ZDHHC15: variants seen among roughly 807,000 people sequenced by gnomAD.
The protein encoded by ZDHHC15 is zDHHC palmitoyltransferase 15.
Under a neutral mutation model 31.7 loss-of-function variants are expected in ZDHHC15, and 19 were observed. The observed-to-expected ratio is 0.60, with a 90% CI of 0.42 to 0.88. The LOEUF (loss-of-function observed/expected upper bound fraction) is 0.88. Ranked by LOEUF, ZDHHC15 falls within the 40% of genes least tolerant of loss-of-function variation. The pLI, the probability that ZDHHC15 is intolerant of heterozygous loss-of-function variation, is 0.00. For missense variants in ZDHHC15, 209 were observed against 251.2 expected (o/e 0.83, Z 1.14); for synonymous variants, 103 against 90.0 (o/e 1.14, Z -0.82).
chrX:75,511,571 CTTTAG>C (rs1413808894), intron 1 of ZDHHC15, among the ~76,000 whole-genome samples: 2 of 93,361 alleles, frequency 2.1e-5, no homozygotes, highest in Admixed American at 2.5e-4. Context: ...TGCAGAAGCT[CTTTAG>C]TTTAATTAGA....
intron 2 of ZDHHC15, chrX:75,502,064 T>G (rs764000092): frequency 4.3e-4 from 48 of 112,214 alleles, no homozygotes; most frequent in African/African-American, 1.4e-3. Context: ...TTGCTAGGGC[T>G]GCCATAATAA....
At chrX:75,441,492 C>T (rs2083939326) in intron 4 of ZDHHC15, among the ~76,000 whole-genome samples, 1 of 111,788 alleles carries the variant, frequency 8.9e-6, no homozygotes, top group Non-Finnish European at 1.9e-5. Context: ...CAGAAGTGGA[C>T]TTTCCCCCTC....
At chrX:75,522,772 G>C in intron 1 of ZDHHC15, 117 bp downstream of exon 1, 1 of 1,005,545 alleles carries the variant, frequency 9.9e-7, no homozygotes, top group Non-Finnish European at 1.4e-6. Flanking sequence ...TCTCCAGGGA[G>C]AGAAAGGAAA....
Position 75,369,972 on chromosome X carries a change from A to C in ZDHHC15, c.*3006T>G, listed in dbSNP as rs2147737856. On this transcript the variant is annotated 3_prime_UTR_variant, in exon 12 of 12. Coordinates refer to ENST00000373367, the MANE Select transcript of ZDHHC15 (RefSeq NM_144969.3). ...TTTTTCCAGCTGTACCATGGGGAAC[A>C]ATTTTTTTATTCTGTCTCTTTCTGA... 9.0e-6 allele frequency: 1 copy of C among 111,658 alleles called. No homozygotes were observed. The highest frequency in any genetic ancestry group is 3.3e-5 in the African/African-American group (1 of 30,685). 9.2% of individuals were successfully genotyped at this position (111,658 alleles called of 1,213,427 possible). A position where few individuals can be genotyped will look rare whatever the true frequency, so the allele number is the denominator to read the frequency against.
intron 2 of ZDHHC15, among the ~76,000 whole-genome samples, chrX:75,487,425 A>C (rs191686285): frequency 2.2e-3 from 246 of 111,866 alleles, no homozygotes; most frequent in Non-Finnish European, 3.7e-3. Context: ...ACTCAGAAGA[A>C]CAATAAGAAT....
intron 1 of ZDHHC15, among the ~76,000 whole-genome samples, chrX:75,521,998 A>G (rs1333600892): frequency 9.0e-6 from 1 of 111,351 alleles, no homozygotes; most frequent in Non-Finnish European, 1.9e-5. Flanking sequence ...GGGAGAAGGC[A>G]CTATCATCAT....
intron 4 of ZDHHC15, among the ~76,000 whole-genome samples, chrX:75,435,566 G>C (rs905426526): frequency 1.8e-5 from 2 of 111,899 alleles, no homozygotes; most frequent in Admixed American, 1.9e-4. Context: ...GCTGGATTTT[G>C]TCAAATGTTT....
At chrX:75,510,357 A>C (rs760446755) in intron 1 of ZDHHC15, among the ~76,000 whole-genome samples, 1 of 110,190 alleles carries the variant, frequency 9.1e-6, no homozygotes, top group East Asian at 2.9e-4. Context: ...GATACATTTA[A>C]CTGTTTGTCA....
intron 4 of ZDHHC15, among the ~76,000 whole-genome samples, chrX:75,450,415 T>C (rs2084099371): frequency 8.9e-6 from 1 of 111,774 alleles, no homozygotes; most frequent in African/African-American, 3.2e-5. Flanking sequence ...TGCATGTTTT[T>C]GTATGTAAAT....
chrX:75,509,532 C>A (rs1179630264), intron 1 of ZDHHC15, among the ~76,000 whole-genome samples: 2 of 111,817 alleles, frequency 1.8e-5, no homozygotes, highest in Non-Finnish European at 3.8e-5. Flanking sequence ...CACTCACTTA[C>A]AACATGAAGT....
chrX:75,444,424 C>A (rs184059512), intron 4 of ZDHHC15, among the ~76,000 whole-genome samples: 1,673 of 88,238 alleles, frequency 0.019, 49 homozygotes, highest in African/African-American at 0.074. Flanking sequence ...ATAGTGAGAA[C>A]ACTTGGACAC....
chrX:75,402,365 T>A (rs906016229), intron 10 of ZDHHC15, among the ~76,000 whole-genome samples: 7 of 110,416 alleles, frequency 6.3e-5, no homozygotes, highest in Non-Finnish European at 1.3e-4. Flanking sequence ...CCCCAAATGC[T>A]AGCAGAAAAT....
intron 3 of ZDHHC15, among the ~76,000 whole-genome samples, chrX:75,451,426 T>A (rs1351952168): frequency 8.9e-6 from 1 of 112,434 alleles, no homozygotes; most frequent in Non-Finnish European, 1.9e-5. Context: ...ATCTTGTAAA[T>A]AAGGGGAAAT....
intron 2 of ZDHHC15, among the ~76,000 whole-genome samples, chrX:75,482,422 C>T (rs1490114575): frequency 2.7e-5 from 3 of 111,973 alleles, no homozygotes; most frequent in Non-Finnish European, 5.6e-5. Context: ...GGTGCTAATA[C>T]ATGATATTAC....
intron 3 of ZDHHC15, among the ~76,000 whole-genome samples, chrX:75,470,254 G>T (rs1321348141): frequency 9.0e-6 from 1 of 111,688 alleles, no homozygotes; most frequent in Non-Finnish European, 1.9e-5. Flanking sequence ...TTTCTGCCAA[G>T]CTGGAGCCTT....
intron 2 of ZDHHC15, among the ~76,000 whole-genome samples, chrX:75,490,535 T>C (rs1438246612): frequency 9.0e-6 from 1 of 111,660 alleles, no homozygotes; most frequent in Middle Eastern, 4.2e-3. Flanking sequence ...AAGAAAGTCA[T>C]TGGTAGCTTG....
chrX:75,490,803 G>C (rs1472955034), intron 2 of ZDHHC15, among the ~76,000 whole-genome samples: 1 of 111,489 alleles, frequency 9.0e-6, no homozygotes, highest in African/African-American at 3.3e-5. Flanking sequence ...GTCTGTTATT[G>C]GTGTATAAGA....
chrX:75,436,525 G>A (rs2083854185), intron 4 of ZDHHC15, among the ~76,000 whole-genome samples: 1 of 111,530 alleles, frequency 9.0e-6, no homozygotes, highest in African/African-American at 3.3e-5. Context: ...GGTTTTGATA[G>A]GTTGTGTTAC....
intron 4 of ZDHHC15, among the ~76,000 whole-genome samples, chrX:75,445,386 C>T (rs1288400317): frequency 3.6e-5 from 4 of 111,745 alleles, no homozygotes; most frequent in Admixed American, 9.5e-5. Flanking sequence ...AATAGATGCT[C>T]TTAGTCAACC....
Sources: allele counts gnomAD v4.1 joint callset (sites outside exome capture counted in the v4.1 genomes callset), GRCh38; gene constraint gnomAD v4.1.1; transcripts MANE v1.5; gene names NCBI Gene and HGNC (gene_info 2026-07-23, HGNC 2026-07-21).